DERL1: variants seen among roughly 807,000 people sequenced by gnomAD.
DERL1 encodes the protein derlin-1.
A neutral mutation model predicts 41.6 loss-of-function variants in DERL1; 24 were observed. That is an observed-to-expected ratio of 0.58 (90% confidence interval 0.42 to 0.81). DERL1 has a LOEUF of 0.81. Ranked by LOEUF, DERL1 falls within the 30% of genes least tolerant of loss-of-function variation. The probability of loss-of-function intolerance (pLI) is 0.00; values close to 1 mark genes in which losing one functional copy is unlikely to be tolerated. For synonymous variants in DERL1, 124 were observed against 112.5 expected, an observed-to-expected ratio of 1.10 and a Z score of -0.65; for missense variants, 260 against 314.3, an observed-to-expected ratio of 0.83 and a Z score of 1.31.
chr8:123,024,870 T>G, intron 3 of DERL1, 116 bp downstream of exon 3: 1 of 1,008,144 alleles, frequency 9.9e-7, no homozygotes, highest in Non-Finnish European at 1.4e-6. Context: ...TTATTAACGG[T>G]AGTCAACCAA....
chr8:123,038,096 T>A (rs989573664), intron 1 of DERL1, among the ~76,000 whole-genome samples: 2 of 152,170 alleles, frequency 1.3e-5, no homozygotes, highest in African/African-American at 4.8e-5. Context: ...AATAACATTA[T>A]AAACCTCAGC....
In DERL1 at chr8:123,015,306, T is replaced by G; in HGVS notation, c.*141A>C. 1 of 1,140,332 alleles carries G rather than the reference T, an allele frequency of 8.8e-7. No homozygotes were observed. The highest frequency in any genetic ancestry group is 2.6e-5 in the East Asian group (1 of 38,244). 70.6% of individuals were successfully genotyped at this position (1,140,332 alleles called of 1,614,324 possible). On this transcript the variant is annotated 3_prime_UTR_variant, in exon 8 of 8. Coordinates refer to ENST00000259512, the MANE Select transcript of DERL1 (RefSeq NM_024295.6). Reference sequence around the variant, plus strand: ...GAACACTTATATTTTTCTTCGGGATTTAAGAAACTTTGTCTCGTACTGAAA... The same window carrying G: ...GAACACTTATATTTTTCTTCGGGATGTAAGAAACTTTGTCTCGTACTGAAA...
Position 123,030,618 on chromosome 8 carries a change from C to A in DERL1, c.252G>T (p.Thr84=). The change falls in exon 2 of 8, where the codon ACG becomes ACT. Residue 84 remains threonine, a synonymous_variant. Coordinates refer to ENST00000259512, the MANE Select transcript of DERL1 (RefSeq NM_024295.6). Reference sequence around the variant, plus strand: ...TGGGTAACATACCTGTTTCAAGTCGCGTAGAATACTGATATAAGAAATATA... The same window carrying A: ...TGGGTAACATACCTGTTTCAAGTCGAGTAGAATACTGATATAAGAAATATA... The part of the protein sequence containing the change: ...VNLYFLYQYS[T]RLETGAFDGR... The A allele has an allele frequency of 1.3e-6, 2 of 1,597,812 alleles. No homozygotes were observed. Among genetic ancestry groups the A allele is most frequent in the South Asian group, 1.1e-5 (1 of 88,292 alleles).
At chr8:123,021,343 A>T (rs1814759716) in intron 6 of DERL1, 104 bp downstream of exon 6, 4 of 1,067,112 alleles carry the variant, frequency 3.7e-6, no homozygotes, top group Non-Finnish European at 5.7e-6. Flanking sequence ...CTAATGCGTC[A>T]ATGTTGAGAT....
chr8:123,023,492 T>C (rs1261441114), intron 4 of DERL1, among the ~76,000 whole-genome samples: 2 of 151,886 alleles, frequency 1.3e-5, no homozygotes, highest in East Asian at 1.9e-4. Context: ...GAGGCGGAGG[T>C]TGCAGTGAGC....
chr8:123,025,173 C>G, intron 2 of DERL1, 123 bp from the exon 3 acceptor site: 1 of 1,006,222 alleles, frequency 9.9e-7, no homozygotes, highest in Non-Finnish European at 1.4e-6. Context: ...AAAACCACTC[C>G]TCTCTAAAAA....
chr8:123,015,655 T>C, intron 7 of DERL1, 70 bp from the exon 8 acceptor site: 1 of 1,504,840 alleles, frequency 6.6e-7, no homozygotes, highest in Non-Finnish European at 8.9e-7. Context: ...TTATCTGACC[T>C]CCGAGAACAC....
At position 123,019,149 on chromosome 8, in the gene DERL1, A is replaced by AAATGTGTATCATTAGGAT. The variant is rs754488607; in HGVS notation, c.617+45_617+46insATCCTAATGATACACATT. On this transcript the variant is annotated intron_variant, in intron 7 of 7. Transcript: ENST00000259512. Reference sequence around the variant, plus strand: ...GGAGCTCTCATTAGGATGCACTAAGAACACAGGCAGTAAAATGTTAGATGA... The same window carrying AAATGTGTATCATTAGGAT: ...GGAGCTCTCATTAGGATGCACTAAGAAATGTGTATCATTAGGATACACAGGCAGTAAAATGTTAGATGA... 9 of 1,320,582 alleles carry AAATGTGTATCATTAGGAT rather than the reference A, an allele frequency of 6.8e-6. No homozygotes were observed. The East Asian group carries it at 2.1e-4, about 30-fold the overall frequency. The allele number at this position is 1,320,582 out of a possible 1,614,324, so 81.8% of individuals were successfully genotyped here.
chr8:123,022,826 A>T (rs775833466), intron 4 of DERL1, 47 bp from the exon 5 acceptor site: 1 of 1,524,160 alleles, frequency 6.6e-7, no homozygotes, highest in South Asian at 1.1e-5. Flanking sequence ...GAGGCACTTA[A>T]AAAAGGTGTA....
chr8:123,036,592 A>T (rs931222796), intron 1 of DERL1, among the ~76,000 whole-genome samples: 1 of 152,218 alleles, frequency 6.6e-6, no homozygotes. Flanking sequence ...TCCTGCTTGT[A>T]TATTGTAACT....
intron 1 of DERL1, among the ~76,000 whole-genome samples, chr8:123,039,581 C>A (rs945865574): frequency 6.6e-6 from 1 of 152,014 alleles, no homozygotes; most frequent in African/African-American, 2.4e-5. Flanking sequence ...CCAGATCTAC[C>A]CAAAGCTGGC....
In DERL1 at chr8:123,014,261, A is replaced by G. The variant is rs966913883; in HGVS notation, c.*1186T>C. The G allele has an allele frequency of 2.0e-5, 3 of 152,782 alleles. No individual in the cohort carries two copies. Among genetic ancestry groups the G allele is most frequent in the Admixed American group, 6.5e-5 (1 of 15,296 alleles). The allele number at this position is 152,782 out of a possible 1,614,324, so 9.5% of individuals were successfully genotyped here. On this transcript the variant is annotated 3_prime_UTR_variant, in exon 8 of 8. Transcript: ENST00000259512. ...TCTGATTCACAGAGCTTGTACATTC[A>G]TGACTCAAAATAACACACCCTCAAA...
intron 2 of DERL1, 145 bp from the exon 3 acceptor site, chr8:123,025,195 A>T (rs3765210): frequency 0.65 from 496,636 of 766,476 alleles, 162,798 homozygotes; most frequent in South Asian, 0.7. Context: ...GTGAATTTTT[A>T]AAAATATCTA....
Position 123,015,559 on chromosome 8 carries a change from C to T in DERL1, c.644G>A (p.Gly215Glu). Residue 215 changes from glycine to glutamate, a missense_variant, in exon 8 of 8, where the codon GGA becomes GAA. By Grantham distance (98) the Gly-to-Glu change is moderately conservative. Coordinates refer to ENST00000259512, the MANE Select transcript of DERL1 (RefSeq NM_024295.6). ...GGGCACACCAAATCCTGATACTCCT[C>T]CTCTCCTACTGGGCAGCCAGCGGTA... ...FLYRWLPSRR[G>E]GVSGFGVPPA... is the part of the protein sequence containing the mutation. 6.2e-7 allele frequency: 1 copy of T among 1,611,544 alleles called. No individual in the cohort carries two copies. The highest frequency in any genetic ancestry group is 8.5e-7 in the Non-Finnish European group (1 of 1,178,864).
chr8:123,021,400 A>G lies in DERL1; in HGVS notation c.506+47T>C, dbSNP rs1814761060. The G allele has an allele frequency of 2.6e-6, 4 of 1,554,848 alleles. No individual in the cohort carries two copies. The African/African-American group carries it at 5.4e-5, about 21-fold the overall frequency. On this transcript the variant is annotated intron_variant, in intron 6 of 7. Coordinates refer to ENST00000259512, the MANE Select transcript of DERL1 (RefSeq NM_024295.6). Reference sequence around the variant, plus strand: ...TAGAGAAAGATAAAAACTAATGGAAATTTTCCAAGGATTAGTTTCCAATTA... The same window carrying G: ...TAGAGAAAGATAAAAACTAATGGAAGTTTTCCAAGGATTAGTTTCCAATTA...
intron 2 of DERL1, chr8:123,025,904 T>C (rs2130473668): frequency 6.6e-6 from 1 of 152,134 alleles, no homozygotes; most frequent in South Asian, 2.1e-4. Flanking sequence ...TATGCCTTAT[T>C]GGGCAGAATA....
In DERL1 at chr8:123,015,553, ACTC is replaced by A. The variant is rs1207799481; in HGVS notation, c.647_649del (p.Gly216del). ...AGCAGGGGGCACACCAAATCCTGAT[ACTC>A]CTCCTCTCCTACTGGGCAGCCAGCG... On this transcript the variant is annotated inframe_deletion, in exon 8 of 8. Transcript: ENST00000259512. 6.2e-7 allele frequency: 1 copy of A among 1,610,996 alleles called. No individual in the cohort carries two copies. The highest frequency in any genetic ancestry group is 1.1e-5 in the South Asian group (1 of 90,258).
chr8:123,032,573 G>C (rs1812840103), intron 1 of DERL1, among the ~76,000 whole-genome samples: 1 of 152,164 alleles, frequency 6.6e-6, no homozygotes, highest in Admixed American at 6.5e-5. Context: ...TCCATGATGT[G>C]TCATGTTTAG....
At chr8:123,028,297 G>A (rs1247576722) in intron 2 of DERL1, among the ~76,000 whole-genome samples, 2 of 152,162 alleles carry the variant, frequency 1.3e-5, no homozygotes, top group Non-Finnish European at 2.9e-5. Flanking sequence ...GATGGTTAAG[G>A]AGGGGTTCGT....
Sources: allele counts gnomAD v4.1 joint callset (sites outside exome capture counted in the v4.1 genomes callset), GRCh38; gene constraint gnomAD v4.1.1; transcripts MANE v1.5; gene names NCBI Gene and HGNC (gene_info 2026-07-23, HGNC 2026-07-21).